Variants in HAO2 observed in about 807,000 individuals in gnomAD.
The protein encoded by HAO2 is 2-Hydroxyacid oxidase 2.
A neutral mutation model predicts 37.4 loss-of-function variants in HAO2; 42 were observed. The observed-to-expected ratio is 1.12, with a 90% CI of 0.88 to 1.45. The LOEUF (loss-of-function observed/expected upper bound fraction) is 1.45. Among genes scored for constraint, HAO2 ranks in the 40% most tolerant of loss-of-function variants. The pLI is 0.00. For missense variants in HAO2, 476 were observed against 430.2 expected (o/e 1.11, Z -0.94); for synonymous variants, 180 against 162.8 (o/e 1.11, Z -0.81).
intron 6 of HAO2, 53 bp downstream of exon 6, chr1:119,392,321 C>A (rs941110538): frequency 3.6e-6 from 5 of 1,381,376 alleles, no homozygotes; most frequent in African/African-American, 1.4e-5. Flanking sequence ...TCATTCATTT[C>A]TGTGCTTTCC....
At chr1:119,385,890 A>G (rs1207830664) in intron 4 of HAO2, 5 of 984,226 alleles carry the variant, frequency 5.1e-6, no homozygotes, top group African/African-American at 1.7e-5. Flanking sequence ...ATGGTGAGCC[A>G]AGAGTAAATA....
intron 1 of HAO2, among the ~76,000 whole-genome samples, chr1:119,376,713 T>C: frequency 6.6e-6 from 1 of 152,228 alleles, no homozygotes; most frequent in East Asian, 1.9e-4. Context: ...TCAGTTCTTA[T>C]CTTCTGCACA....
At chr1:119,369,865 A>G (rs926967756) in intron 1 of HAO2, among the ~76,000 whole-genome samples, 2 of 152,064 alleles carry the variant, frequency 1.3e-5, no homozygotes, top group Non-Finnish European at 2.9e-5. Flanking sequence ...GAGAGCAGAA[A>G]CTGATGTGAT....
intron 5 of HAO2, among the ~76,000 whole-genome samples, chr1:119,391,198 T>G (rs1468132974): frequency 6.6e-6 from 1 of 152,174 alleles, no homozygotes; most frequent in African/African-American, 2.4e-5. Flanking sequence ...TGGATTCCTT[T>G]GGCAGCAGAA....
In HAO2 at chr1:119,383,041, T is replaced by G; in HGVS notation, c.258T>G (p.Pro86=). The change falls in exon 3 of 8, where the codon CCT becomes CCG. Residue 86 remains proline (P), a synonymous_variant. Transcript: ENST00000325945. The stretch of plus-strand genomic sequence containing the variant: ...CAGGGTTCCACTGCCTTGTCTGGCC[T>G]GATGGGGAAATGAGCACAGCAAGAG... ...APTGFHCLVW[P]DGEMSTARAA... is the part of the protein sequence containing the mutation. 1 of 1,612,926 alleles carries G rather than the reference T, an allele frequency of 6.2e-7. No homozygotes were observed. Among genetic ancestry groups the G allele is most frequent in the South Asian group, 1.1e-5 (1 of 90,848 alleles).
chr1:119,378,451 T>TCTGAGG (rs1406248878), intron 1 of HAO2, among the ~76,000 whole-genome samples: 1 of 152,212 alleles, frequency 6.6e-6, no homozygotes, highest in Non-Finnish European at 1.5e-5. Context: ...TTATTTTATT[T>TCTGAGG]CTGAGGCCTC....
chr1:119,382,818 A>G, intron 2 of HAO2, 97 bp from the exon 3 acceptor site: 1 of 1,150,264 alleles, frequency 8.7e-7, no homozygotes, highest in Non-Finnish European at 1.3e-6. Context: ...TGTCTGGTTT[A>G]GACTTGTATC....
intron 1 of HAO2, among the ~76,000 whole-genome samples, chr1:119,377,092 GC>G (rs1402243355): frequency 9.9e-5 from 15 of 152,044 alleles, no homozygotes; most frequent in African/African-American, 3.1e-4. Context: ...CTTTTATTAT[GC>G]TCTGCTCCCC....
At chr1:119,373,308 G>A (rs995011020) in intron 1 of HAO2, among the ~76,000 whole-genome samples, 5 of 152,198 alleles carry the variant, frequency 3.3e-5, no homozygotes, top group African/African-American at 1.2e-4. Context: ...GTGCTGAGAA[G>A]CTAATTCTCA....
chr1:119,381,775 G>A (rs1246936300), intron 2 of HAO2, among the ~76,000 whole-genome samples: 2 of 152,180 alleles, frequency 1.3e-5, no homozygotes, highest in Non-Finnish European at 2.9e-5. Flanking sequence ...GCTAACGATG[G>A]TTTTTCATTT....
intron 2 of HAO2, among the ~76,000 whole-genome samples, chr1:119,382,505 A>T (rs1029953065): frequency 6.6e-6 from 1 of 152,152 alleles, no homozygotes; most frequent in Non-Finnish European, 1.5e-5. Context: ...ACTTGGGCCT[A>T]ACCTGAGAGG....
At position 119,384,191 on chromosome 1, in the gene HAO2, C is replaced by G. The variant is rs1570777886; in HGVS notation, c.284-585C>G. On this transcript the variant is annotated intron_variant, in intron 3 of 7. Coordinates refer to ENST00000325945, the MANE Select transcript of HAO2 (RefSeq NM_016527.4). The stretch of plus-strand genomic sequence containing the variant: ...GCACTGGTATCTATGCAGTACACCA[C>G]TTTGCAATGTAAAGAATGCTGCCAT... Among the ~76,000 whole-genome samples the G allele has an allele frequency of 3.3e-5, 5 of 152,178 alleles. No homozygotes were observed. In the South Asian group the frequency reaches 1.0e-3, roughly 31 times the overall value.
intron 4 of HAO2, 69 bp downstream of exon 4, chr1:119,385,122 T>G: frequency 1.3e-6 from 2 of 1,546,388 alleles, no homozygotes; most frequent in Non-Finnish European, 1.7e-6. Flanking sequence ...TTTTCTCCTT[T>G]CCTCCATTCT....
intron 1 of HAO2, among the ~76,000 whole-genome samples, chr1:119,376,467 C>T (rs1649480083): frequency 6.6e-6 from 1 of 152,172 alleles, no homozygotes. Context: ...GTGCACAGTG[C>T]AAGCTGTCAG....
At chr1:119,378,996 A>C (rs1287411570) in intron 1 of HAO2, among the ~76,000 whole-genome samples, 1 of 152,182 alleles carries the variant, frequency 6.6e-6, no homozygotes, top group Non-Finnish European at 1.5e-5. Flanking sequence ...CAAATAGTCG[A>C]GGCTATGCTT....
At chr1:119,372,234 T>C (rs939038199) in intron 1 of HAO2, among the ~76,000 whole-genome samples, 5 of 152,188 alleles carry the variant, frequency 3.3e-5, no homozygotes, top group African/African-American at 1.2e-4. Context: ...GTGTAATAAA[T>C]CATTTTTAAA....
intron 4 of HAO2, chr1:119,385,725 G>T (rs887952265): frequency 6.1e-6 from 6 of 985,030 alleles, no homozygotes; most frequent in Non-Finnish European, 7.2e-6. Flanking sequence ...GGCTATAGTA[G>T]AGATACTAAA....
chr1:119,371,657 T>C (rs1355474258), intron 1 of HAO2, among the ~76,000 whole-genome samples: 1 of 152,178 alleles, frequency 6.6e-6, no homozygotes, highest in Non-Finnish European at 1.5e-5. Flanking sequence ...TATTTTAACC[T>C]CTTGAACTTC....
At chr1:119,385,207 A>G in intron 4 of HAO2, 154 bp downstream of exon 4, 1 of 977,202 alleles carries the variant, frequency 1.0e-6, no homozygotes, top group East Asian at 1.1e-4. Context: ...AAAAGCAGAT[A>G]TGGTTCCTGC....
Sources: gnomAD v4.1 joint callset for allele counts (sites outside exome capture counted in the v4.1 genomes callset) on GRCh38, gnomAD v4.1.1 for gene constraint, MANE v1.5 for transcripts, NCBI Gene and HGNC (gene_info 2026-07-23, HGNC 2026-07-21) for gene names.